The following ACBD3 variants were observed in gnomAD, a reference collection of about 807,000 sequenced individuals.
ACBD3 encodes Golgi resident protein GCP60.
A neutral mutation model predicts 66.9 loss-of-function variants in ACBD3; 30 were observed. The ratio of observed to expected loss-of-function variants is 0.45; its 90% CI spans 0.34 to 0.61. The LOEUF (loss-of-function observed/expected upper bound fraction) is 0.61, where lower values mean the gene tolerates loss of function less well. ACBD3 is among the 20% of genes least tolerant of loss of function. The pLI, the probability that ACBD3 is intolerant of heterozygous loss-of-function variation, is 0.02. For missense variants in ACBD3, 544 were observed against 664.5 expected, an observed-to-expected ratio of 0.82 and a Z score of 1.99; for synonymous variants, 278 against 259.8, an observed-to-expected ratio of 1.07 and a Z score of -0.68.
intron 1 of ACBD3, among the ~76,000 whole-genome samples, chr1:226,176,429 C>CAAAAAAAAAA: frequency 1.2e-5 from 1 of 83,360 alleles, no homozygotes; most frequent in Non-Finnish European, 2.2e-5. Flanking sequence ...GACTCCGTCT[C>CAAAAAAAAAA]AAAAAAAAAA....
At chr1:226,148,935 G>C (rs1659509472) in intron 7 of ACBD3, among the ~76,000 whole-genome samples, 1 of 152,144 alleles carries the variant, frequency 6.6e-6, no homozygotes, top group Non-Finnish European at 1.5e-5. Context: ...AAATGTTTTA[G>C]CTGCAAATCA....
In ACBD3 at chr1:226,146,950, G is replaced by A. The variant is rs1373781290; in HGVS notation, c.1376-129C>T. ...TCTGTCACCCAGGATGGAGTGCAGCGGCGTGATCTCAGCTCATTGCAACCT... is the reference window on the plus strand; with the variant it reads ...TCTGTCACCCAGGATGGAGTGCAGCAGCGTGATCTCAGCTCATTGCAACCT... On this transcript the variant is annotated intron_variant, in intron 7 of 7. Transcript: ENST00000366812. 1.6e-5 allele frequency: 14 copies of A among 869,206 alleles called. 1 individual carries two copies. The highest frequency in any genetic ancestry group is 9.9e-5 in the South Asian group (6 of 60,742). The allele number at this position is 869,206 out of a possible 1,614,324, so 53.8% of individuals were successfully genotyped here.
At chr1:226,182,665 T>C (rs897578840) in intron 1 of ACBD3, among the ~76,000 whole-genome samples, 57 of 152,136 alleles carry the variant, frequency 3.7e-4, no homozygotes, top group Admixed American at 2.0e-3. Flanking sequence ...TTGAACTCAG[T>C]TACCTTCCCA....
intron 1 of ACBD3, among the ~76,000 whole-genome samples, chr1:226,184,587 C>A (rs954681285): frequency 4.6e-5 from 7 of 152,194 alleles, no homozygotes; most frequent in African/African-American, 1.2e-4. Context: ...TCCCTTTATA[C>A]ATATGAAACT....
chr1:226,171,241 T>C (rs1471801697), intron 1 of ACBD3, among the ~76,000 whole-genome samples: 3 of 151,126 alleles, frequency 2.0e-5, no homozygotes, highest in African/African-American at 7.3e-5. Flanking sequence ...TCCATCTCCC[T>C]GGTTCAAGGG....
intron 1 of ACBD3, among the ~76,000 whole-genome samples, chr1:226,166,450 A>G (rs1379521248): frequency 6.6e-6 from 1 of 151,076 alleles, no homozygotes; most frequent in African/African-American, 2.4e-5. Flanking sequence ...CATTTTATTA[A>G]TAACAGAACC....
At chr1:226,156,363 T>C (rs1576231699) in intron 5 of ACBD3, among the ~76,000 whole-genome samples, 1 of 152,248 alleles carries the variant, frequency 6.6e-6, no homozygotes, top group East Asian at 1.9e-4. Flanking sequence ...TTTTGTTGTT[T>C]GCATTACTTT....
intron 1 of ACBD3, among the ~76,000 whole-genome samples, chr1:226,179,152 CTGTTT>C (rs1189942833): frequency 2.6e-5 from 4 of 152,174 alleles, no homozygotes; most frequent in Non-Finnish European, 4.4e-5. Flanking sequence ...CTTTTGAAAT[CTGTTT>C]TGTTATCAAT....
intron 1 of ACBD3, among the ~76,000 whole-genome samples, chr1:226,168,411 C>T (rs1218334839): frequency 6.6e-6 from 1 of 152,138 alleles, no homozygotes; most frequent in Non-Finnish European, 1.5e-5. Context: ...GACAAGCACT[C>T]TCAAATATAT....
Position 226,156,525 on chromosome 1 carries a change from TAC to T in ACBD3, c.904-1694_904-1693del, listed in dbSNP as rs371958737. On this transcript the variant is annotated intron_variant, in intron 5 of 7. Coordinates refer to ENST00000366812, the MANE Select transcript of ACBD3 (RefSeq NM_022735.4). The stretch of plus-strand genomic sequence containing the variant: ...GAAAAAAAATACACACACGCACACA[TAC>T]ACACACACACGGAAAAAGCCTTTAT... Among the ~76,000 whole-genome samples, 13 of 151,780 alleles carry T rather than the reference TAC, an allele frequency of 8.6e-5. No homozygotes were observed. The South Asian group carries it at 2.5e-3, about 29-fold the overall frequency.
At chr1:226,183,237 G>A (rs569966816) in intron 1 of ACBD3, among the ~76,000 whole-genome samples, 11 of 152,228 alleles carry the variant, frequency 7.2e-5, no homozygotes, top group East Asian at 5.8e-4. Context: ...GGGCAGGGAC[G>A]AAATCTTGGC....
At chr1:226,167,897 T>C (rs532268212) in intron 1 of ACBD3, among the ~76,000 whole-genome samples, 17 of 152,194 alleles carry the variant, frequency 1.1e-4, no homozygotes, top group African/African-American at 3.9e-4. Flanking sequence ...TCCCATCAGA[T>C]AAACAAAAAA....
intron 1 of ACBD3, among the ~76,000 whole-genome samples, chr1:226,177,683 G>A (rs762201466): frequency 4.6e-5 from 7 of 152,104 alleles, no homozygotes; most frequent in East Asian, 3.9e-4. Context: ...TCCGGTACAC[G>A]TTAGGGCTTG....
intron 1 of ACBD3, among the ~76,000 whole-genome samples, chr1:226,178,853 T>C (rs1656111786): frequency 6.6e-6 from 1 of 152,188 alleles, no homozygotes; most frequent in Non-Finnish European, 1.5e-5. Flanking sequence ...TGATAAGAAC[T>C]CACTGTCCCA....
At chr1:226,168,026 T>A (rs1310816640) in intron 1 of ACBD3, among the ~76,000 whole-genome samples, 95 of 152,260 alleles carry the variant, frequency 6.2e-4, no homozygotes, top group Admixed American at 6.2e-3. Flanking sequence ...TACACAATAG[T>A]CCTTATCTTA....
chr1:226,171,359 G>A (rs1185739676), intron 1 of ACBD3, among the ~76,000 whole-genome samples: 1 of 152,020 alleles, frequency 6.6e-6, no homozygotes, highest in African/African-American at 2.4e-5. Flanking sequence ...ATGTTGGCCA[G>A]GCTGGTCTCG....
chr1:226,160,733 C>T (rs971337361), intron 4 of ACBD3, among the ~76,000 whole-genome samples: 1 of 152,216 alleles, frequency 6.6e-6, no homozygotes, highest in Non-Finnish European at 1.5e-5. Flanking sequence ...GGGTGTTAAT[C>T]ACTGCCTCCT....
chr1:226,153,295 G>A (rs1659611100), intron 6 of ACBD3, among the ~76,000 whole-genome samples: 1 of 152,146 alleles, frequency 6.6e-6, no homozygotes. Context: ...AGGGAAGGGG[G>A]CAGTAAACCA....
At chr1:226,159,751 T>C (rs1010770777) in intron 4 of ACBD3, among the ~76,000 whole-genome samples, 2 of 152,214 alleles carry the variant, frequency 1.3e-5, no homozygotes, top group African/African-American at 4.8e-5. Context: ...ACTATACTGC[T>C]AGCAGATGCT....
Sources: allele counts gnomAD v4.1 joint callset (sites outside exome capture counted in the v4.1 genomes callset), GRCh38; gene constraint gnomAD v4.1.1; transcripts MANE v1.5; gene names NCBI Gene and HGNC (gene_info 2026-07-23, HGNC 2026-07-21).